CACHD1: variants seen among roughly 807,000 people sequenced by gnomAD.
The protein encoded by CACHD1 is VWFA and cache domain-containing protein 1.
Under a neutral mutation model 138.7 loss-of-function variants are expected in CACHD1, and 71 were observed. That is an observed-to-expected ratio of 0.51 (90% CI 0.42 to 0.62). The LOEUF (loss-of-function observed/expected upper bound fraction) is 0.62. CACHD1 is among the 20% of genes least tolerant of loss of function. The probability of loss-of-function intolerance (pLI) is 0.00; values close to 1 mark genes in which losing one functional copy is unlikely to be tolerated. For missense variants in CACHD1, 1,389 were observed against 1,625.3 expected, an observed-to-expected ratio of 0.85 and a Z score of 2.50; for synonymous variants, 578 against 591.5, an observed-to-expected ratio of 0.98 and a Z score of 0.33.
intron 3 of CACHD1, among the ~76,000 whole-genome samples, chr1:64,587,527 C>G (rs760100827): frequency 2.0e-5 from 3 of 152,004 alleles, no homozygotes; most frequent in Admixed American, 6.5e-5. Flanking sequence ...TGCACAGGAG[C>G]CTTAGAAGTT....
chr1:64,593,985 T>A (rs945727992), intron 3 of CACHD1, among the ~76,000 whole-genome samples: 5 of 152,088 alleles, frequency 3.3e-5, no homozygotes, highest in Non-Finnish European at 5.9e-5. Context: ...GCTTAGAAAG[T>A]TTATGGCAGG....
chr1:64,478,082 A>T (rs1400423279), intron 1 of CACHD1, among the ~76,000 whole-genome samples: 1 of 152,240 alleles, frequency 6.6e-6, no homozygotes, highest in Non-Finnish European at 1.5e-5. Flanking sequence ...ACAATTCACA[A>T]ATAAATATAA....
intron 4 of CACHD1, among the ~76,000 whole-genome samples, chr1:64,627,032 A>G (rs1570429974): frequency 1.3e-5 from 2 of 152,130 alleles, no homozygotes; most frequent in South Asian, 2.1e-4. Flanking sequence ...ATCAAAGCCA[A>G]GCAGACATCA....
rs946649209 is a variant in CACHD1 at position 64,666,848 on chromosome 1, CAA to C, written c.2387+704_2387+705del. Among the ~76,000 whole-genome samples the C allele has an allele frequency of 1.8e-4, 6 of 33,966 alleles. No individual in the cohort carries two copies. In the East Asian group the frequency reaches 4.9e-3, roughly 28 times the overall value. The allele number at this position is 33,966 out of a possible 152,430, so 22.3% of individuals were successfully genotyped here. ...TGGGTGACAGCGTGAGATCCTGTCT[CAA>C]AAAAAAAAAAAAAAAAAAAAAACGA... On this transcript the variant is annotated intron_variant, in intron 16 of 26. Coordinates refer to ENST00000651257, the MANE Select transcript of CACHD1 (RefSeq NM_020925.4).
rs1189221023 is a variant in CACHD1 at position 64,470,134 on chromosome 1, G to C, written c.-611G>C. On this transcript the variant is annotated 5_prime_UTR_variant, in exon 1 of 27. Transcript: ENST00000651257. This position sits in a 1 kb window ranked among gnomAD's most constrained non-coding sequence, Gnocchi z 5.2. ...CGCAGCCGCCGCGGCGGCCCAGCCG[G>C]GAAGTGCACAGAGCCGGAGCGCAGC... Among the ~76,000 whole-genome samples the C allele has an allele frequency of 6.6e-6, 1 of 152,054 alleles. No individual in the cohort carries two copies. Among genetic ancestry groups the C allele is most frequent in the Non-Finnish European group, 1.5e-5 (1 of 67,982 alleles).
At chr1:64,682,940 C>A (rs1650241009) in intron 26 of CACHD1, among the ~76,000 whole-genome samples, 1 of 150,372 alleles carries the variant, frequency 6.7e-6, no homozygotes, top group Non-Finnish European at 1.5e-5. Context: ...TTCCAGAAAT[C>A]TGTATTTTCC....
chr1:64,632,489 G>T, intron 5 of CACHD1, 110 bp from the exon 6 acceptor site: 1 of 1,112,404 alleles, frequency 9.0e-7, no homozygotes, highest in Non-Finnish European at 1.3e-6. Flanking sequence ...GCCATCCCTG[G>T]GAGAACACAG....
In CACHD1 at chr1:64,470,699, C is replaced by T. The variant is rs1646137862; in HGVS notation, c.-46C>T. ...TGCGGGGGGCACCTCCCGCGGCCCG[C>T]TTCCCCGCGCCCGGAGCCCGTCGGC... On this transcript the variant is annotated 5_prime_UTR_variant, in exon 1 of 27. Transcript: ENST00000651257. The surrounding 1 kb of genome is among the most constrained non-coding windows in gnomAD (Gnocchi z 5.2). 4.1e-6 allele frequency: 2 copies of T among 483,158 alleles called. No individual in the cohort carries two copies. The highest frequency in any genetic ancestry group is 3.7e-5 in the South Asian group (1 of 26,750). 29.9% of individuals were successfully genotyped at this position (483,158 alleles called of 1,614,324 possible).
At chr1:64,512,036 G>A (rs570342949) in intron 1 of CACHD1, among the ~76,000 whole-genome samples, 1 of 152,238 alleles carries the variant, frequency 6.6e-6, no homozygotes, top group South Asian at 2.1e-4. Flanking sequence ...ACTCTATGAG[G>A]TAGAAATTAT....
intron 15 of CACHD1, among the ~76,000 whole-genome samples, chr1:64,665,840 T>C (rs1012157773): frequency 6.6e-6 from 1 of 151,970 alleles, no homozygotes; most frequent in Non-Finnish European, 1.5e-5. Flanking sequence ...CCGTCTCTAC[T>C]AAAAATACAA....
rs78017563 is a variant in CACHD1 at position 64,523,404 on chromosome 1, G to A, written c.199-27190G>A. On this transcript the variant is annotated intron_variant, in intron 1 of 26. Coordinates refer to ENST00000651257, the MANE Select transcript of CACHD1 (RefSeq NM_020925.4). Reference sequence around the variant, plus strand: ...GGGTTGTTTTTAATATAGCATTGAGGCATTTGAGTGGCATCTCCATTTGGA... The same window carrying A: ...GGGTTGTTTTTAATATAGCATTGAGACATTTGAGTGGCATCTCCATTTGGA... Among the ~76,000 whole-genome samples, 1,382 of 152,260 alleles carry A rather than the reference G, an allele frequency of 9.1e-3. 26 individuals are homozygous for A. The highest frequency in any genetic ancestry group is 0.032 in the African/African-American group (1,319 of 41,562).
chr1:64,511,859 T>A (rs1646423130), intron 1 of CACHD1, among the ~76,000 whole-genome samples: 1 of 152,240 alleles, frequency 6.6e-6, no homozygotes, highest in African/African-American at 2.4e-5. Flanking sequence ...ATGGGCTTTC[T>A]CAGCTTATCA....
chr1:64,639,985 C>A (rs1648651958), intron 7 of CACHD1, among the ~76,000 whole-genome samples: 1 of 152,206 alleles, frequency 6.6e-6, no homozygotes, highest in Non-Finnish European at 1.5e-5. Context: ...CTTTTGCTGG[C>A]AGGATCTTCA....
At position 64,684,825 on chromosome 1, in the gene CACHD1, T is replaced by C. The variant is rs141214610; in HGVS notation, c.3586+2719T>C. ...TGTTTTTTGTTTTTTGTTTTTTGTT[T>C]TGAGACAGAGTTTTGCTCTTGTCGC... is the stretch of plus-strand genomic sequence containing the variant. On this transcript the variant is annotated intron_variant, in intron 26 of 26. Transcript: ENST00000651257. Among the ~76,000 whole-genome samples the C allele has an allele frequency of 9.2e-3, 1,403 of 152,296 alleles. 15 individuals carry two copies. The highest frequency in any genetic ancestry group is 0.032 in the African/African-American group (1,347 of 41,560).
intron 16 of CACHD1, among the ~76,000 whole-genome samples, chr1:64,666,855 A>AC (rs1649651095): frequency 7.3e-6 from 1 of 136,822 alleles, no homozygotes; most frequent in Admixed American, 7.2e-5. Context: ...TCTCAAAAAA[A>AC]AAAAAAAAAA....
intron 1 of CACHD1, among the ~76,000 whole-genome samples, chr1:64,479,231 G>A (rs1394166258): frequency 6.6e-6 from 1 of 152,240 alleles, no homozygotes; most frequent in Non-Finnish European, 1.5e-5. Context: ...CTTCAACACA[G>A]ATGAATGTTT....
chr1:64,612,702 A>T lies in CACHD1; in HGVS notation c.517+9790A>T, dbSNP rs376402080. On this transcript the variant is annotated intron_variant, in intron 4 of 26. Coordinates refer to ENST00000651257, the MANE Select transcript of CACHD1 (RefSeq NM_020925.4). ...GGAGCCCCACTCCTCAAAAAAAAAG[A>T]TTCCCTTCTAAATATTGCTACCCAT... Among the ~76,000 whole-genome samples the T allele has an allele frequency of 8.5e-5, 13 of 152,262 alleles. 1 individual carries two copies. Among genetic ancestry groups the T allele is most frequent in the Admixed American group, 4.6e-4 (7 of 15,288 alleles).
chr1:64,530,938 T>TTTG (rs1646579981), intron 1 of CACHD1, among the ~76,000 whole-genome samples: 1 of 148,888 alleles, frequency 6.7e-6, no homozygotes, highest in Non-Finnish European at 1.5e-5. Context: ...TTTTTGTTTT[T>TTTG]TTTTTTTTTA....
chr1:64,615,960 T>C (rs1395717963), intron 4 of CACHD1, among the ~76,000 whole-genome samples: 1 of 152,208 alleles, frequency 6.6e-6, no homozygotes, highest in Non-Finnish European at 1.5e-5. Flanking sequence ...ATTTTACAGA[T>C]GAGAAGTTCT....
Sources: gnomAD v4.1 joint callset for allele counts (sites outside exome capture counted in the v4.1 genomes callset) on GRCh38, gnomAD v4.1.1 for gene constraint, Gnocchi (gnomAD v3.1) non-coding constraint, MANE v1.5 for transcripts, NCBI Gene and HGNC (gene_info 2026-07-23, HGNC 2026-07-21) for gene names.